CFAP276: variants seen among roughly 807,000 people sequenced by gnomAD.
The protein encoded by CFAP276 is cilia- and flagella-associated protein 276.
At chr1:109,109,384 G>A in the CFAP276 span, among the ~76,000 whole-genome samples, 2 of 151,388 alleles carry the variant, frequency 1.3e-5, no homozygotes, top group Admixed American at 1.3e-4. Context: ...GGAGGTGGAG[G>A]TTGCAGTGAG....
At chr1:109,106,844 G>A in the CFAP276 span, 5 of 883,148 alleles carry the variant, frequency 5.7e-6, no homozygotes, top group Non-Finnish European at 8.6e-6. Context: ...GTTCATCTTA[G>A]ACAGTGAAAA....
chr1:109,106,728 A>T, the CFAP276 span: 2 of 1,521,116 alleles, frequency 1.3e-6, no homozygotes, highest in Admixed American at 3.9e-5. Context: ...AAGGCAAGGT[A>T]GTTGAATGTG....
At chr1:109,113,442 GA>G in the CFAP276 span, among the ~76,000 whole-genome samples, 124 of 146,692 alleles carry the variant, frequency 8.5e-4, 12 homozygotes, top group African/African-American at 2.9e-3. Context: ...GAGAGAGAGA[GA>G]GAGAGAGAGA....
At chr1:109,113,616 T>C in the CFAP276 span, 1 of 1,613,366 alleles carries the variant, frequency 6.2e-7, no homozygotes, top group Non-Finnish European at 8.5e-7. Context: ...GTGGCCTTCG[T>C]AGGAGGGAAC....
At chr1:109,107,318 G>A in the CFAP276 span, among the ~76,000 whole-genome samples, 8 of 152,194 alleles carry the variant, frequency 5.3e-5, no homozygotes, top group Non-Finnish European at 1.0e-4. Context: ...TTAGGTCTAG[G>A]GAGTGGTGAG....
the CFAP276 span, chr1:109,107,818 C>A: frequency 3.3e-5 from 31 of 928,402 alleles, no homozygotes; most frequent in East Asian, 6.1e-4. Flanking sequence ...GTTCAGGCTA[C>A]GGTAAACCAT....
the CFAP276 span, among the ~76,000 whole-genome samples, chr1:109,109,504 A>G: frequency 6.7e-6 from 1 of 149,640 alleles, no homozygotes; most frequent in Non-Finnish European, 1.5e-5. Context: ...CCTTCCCCAC[A>G]ATATGGCAAA....
At chr1:109,113,416 A>AAGAGAGAG in the CFAP276 span, among the ~76,000 whole-genome samples, 298 of 68,072 alleles carry the variant, frequency 4.4e-3, 9 homozygotes, top group Admixed American at 5.5e-3. Context: ...GAGAGAGAGA[A>AAGAGAGAG]AGAGAGAGAG....
At chr1:109,112,750 G>A in the CFAP276 span, 1 of 1,533,872 alleles carries the variant, frequency 6.5e-7, no homozygotes, top group Middle Eastern at 2.3e-4. Context: ...ACTGGCATAA[G>A]ATCCCGGGTC....
chr1:109,110,377 C>A, the CFAP276 span, among the ~76,000 whole-genome samples: 16 of 152,180 alleles, frequency 1.1e-4, no homozygotes, highest in African/African-American at 3.6e-4. Flanking sequence ...TCAAGCACCC[C>A]CTAAAACTGC....
the CFAP276 span, among the ~76,000 whole-genome samples, chr1:109,109,110 C>T: frequency 6.6e-6 from 1 of 152,158 alleles, no homozygotes; most frequent in African/African-American, 2.4e-5. Flanking sequence ...ATGCTTGAAT[C>T]CACTATATCA....
At chr1:109,111,905 TC>T in the CFAP276 span, among the ~76,000 whole-genome samples, 107 of 152,364 alleles carry the variant, frequency 7.0e-4, no homozygotes, top group Non-Finnish European at 1.2e-3. Flanking sequence ...TGTCGGTCTC[TC>T]TTTACTACTA....
At chr1:109,108,015 G>A in the CFAP276 span, 3 of 1,607,016 alleles carry the variant, frequency 1.9e-6, no homozygotes, top group Non-Finnish European at 2.6e-6. Context: ...AGCAAGGTGT[G>A]TTGGGTTCTT....
At chr1:109,113,266 G>T in the CFAP276 span, among the ~76,000 whole-genome samples, 1 of 151,940 alleles carries the variant, frequency 6.6e-6, no homozygotes, top group African/African-American at 2.4e-5. Context: ...GGTGGCACGC[G>T]CCCGTAGTCC....
At chr1:109,110,797 C>CA in the CFAP276 span, among the ~76,000 whole-genome samples, 1 of 152,184 alleles carries the variant, frequency 6.6e-6, no homozygotes, top group Non-Finnish European at 1.5e-5. Context: ...ATACCACAGT[C>CA]ACTACAAAAA....
At chr1:109,107,949 C>A in the CFAP276 span, 1 of 1,608,214 alleles carries the variant, frequency 6.2e-7, no homozygotes, top group Non-Finnish European at 8.5e-7. Flanking sequence ...GGCATCCCGC[C>A]TCATGGAAGT....
the CFAP276 span, chr1:109,107,083 A>G: frequency 6.2e-7 from 1 of 1,614,202 alleles, no homozygotes; most frequent in South Asian, 1.1e-5. Flanking sequence ...TGGTGGTTGT[A>G]CAAGGCTGCT....
chr1:109,108,149 G>A, the CFAP276 span: 1 of 840,934 alleles, frequency 1.2e-6, no homozygotes, highest in Non-Finnish European at 1.9e-6. Flanking sequence ...TTTTTGTTTT[G>A]TTTTATTTTT....
the CFAP276 span, among the ~76,000 whole-genome samples, chr1:109,107,510 AT>A: frequency 6.6e-6 from 1 of 152,184 alleles, no homozygotes; most frequent in South Asian, 2.1e-4. Context: ...AGATAAATTG[AT>A]TTTTGGCTTT....
Sources: gnomAD v4.1 joint callset for allele counts (sites outside exome capture counted in the v4.1 genomes callset) on GRCh38, gnomAD v4.1.1 for gene constraint, MANE v1.5 for transcripts, NCBI Gene and HGNC (gene_info 2026-07-23, HGNC 2026-07-21) for gene names.